The following DOCK3 variants were observed in gnomAD, a reference collection of about 807,000 sequenced individuals.
DOCK3 encodes dedicator of cytokinesis protein 3.
In DOCK3, 60 loss-of-function variants were observed where a neutral mutation model predicts 265.6. That is an observed-to-expected ratio of 0.23 (90% CI 0.18 to 0.28). DOCK3 has a LOEUF of 0.28. DOCK3 is among the 10% of genes least tolerant of loss of function. The pLI is 1.00. For missense variants in DOCK3, 1,981 were observed against 2,594.3 expected (o/e 0.76, Z 5.14); for synonymous variants, 881 against 938.0 (o/e 0.94, Z 1.11).
chr3:51,006,110 A>G (rs1416829228), intron 5 of DOCK3, among the ~76,000 whole-genome samples: 1 of 152,104 alleles, frequency 6.6e-6, no homozygotes, highest in African/African-American at 2.4e-5. Context: ...CTGTCTGCCT[A>G]GAATACTCCC....
At chr3:50,704,681 A>G (rs2036272507) in intron 1 of DOCK3, among the ~76,000 whole-genome samples, 1 of 147,242 alleles carries the variant, frequency 6.8e-6, no homozygotes, top group Non-Finnish European at 1.5e-5. Context: ...GCTGGAGTGC[A>G]GTGGCTCAAT....
intron 1 of DOCK3, among the ~76,000 whole-genome samples, chr3:50,770,456 GA>G (rs71631076): frequency 0.091 from 13,239 of 144,982 alleles, 790 homozygotes; most frequent in Non-Finnish European, 0.13. Context: ...CAAAAAAAAA[GA>G]AAAAAAAAAT....
At chr3:50,863,268 T>C (rs1265117974) in intron 3 of DOCK3, among the ~76,000 whole-genome samples, 1 of 152,138 alleles carries the variant, frequency 6.6e-6, no homozygotes, top group African/African-American at 2.4e-5. Context: ...GGCATGGTAG[T>C]GGCTTATGAC....
intron 1 of DOCK3, among the ~76,000 whole-genome samples, chr3:50,745,834 C>T (rs1257381672): frequency 6.6e-6 from 1 of 152,212 alleles, no homozygotes; most frequent in East Asian, 1.9e-4. Context: ...TCCAGTTCGG[C>T]TCCAGGGTTC....
intron 2 of DOCK3, among the ~76,000 whole-genome samples, chr3:50,794,057 G>C (rs2042635311): frequency 6.6e-6 from 1 of 152,096 alleles, no homozygotes; most frequent in Admixed American, 6.6e-5. Context: ...TGAATTTCCT[G>C]GTGTTGATTT....
chr3:51,008,562 T>A (rs2108748106), intron 5 of DOCK3, among the ~76,000 whole-genome samples: 2 of 152,326 alleles, frequency 1.3e-5, no homozygotes, highest in Middle Eastern at 6.8e-3. Context: ...TATACAATCA[T>A]GTCGTCTGCA....
At position 51,270,800 on chromosome 3, in the gene DOCK3, C is replaced by T; in HGVS notation, c.2356-15C>T. On this transcript the variant is annotated splice_polypyrimidine_tract_variant and intron_variant, in intron 23 of 52. Coordinates refer to ENST00000266037, the MANE Select transcript of DOCK3 (RefSeq NM_004947.5). ...CCTAACTCTGTGCTAACCACAGCTT[C>T]ATTTGCTTCTGCAGGCTGCACTCCT... 2 of 1,609,336 alleles carry T rather than the reference C, an allele frequency of 1.2e-6. No individual in the cohort carries two copies. The highest frequency in any genetic ancestry group is 1.7e-6 in the Non-Finnish European group (2 of 1,177,520).
At chr3:50,999,462 T>C (rs2078396549) in intron 5 of DOCK3, among the ~76,000 whole-genome samples, 1 of 152,226 alleles carries the variant, frequency 6.6e-6, no homozygotes, top group Non-Finnish European at 1.5e-5. Flanking sequence ...CCTAGTTATT[T>C]ACCTTGAAAC....
intron 1 of DOCK3, among the ~76,000 whole-genome samples, chr3:50,770,009 A>G (rs2041179882): frequency 2.0e-5 from 3 of 152,040 alleles, no homozygotes; most frequent in Admixed American, 2.0e-4. Context: ...CAGGCTACAA[A>G]ATCAACATGC....
At position 51,380,176 on chromosome 3, in the gene DOCK3, C is replaced by T; in HGVS notation, c.5552C>T (p.Pro1851Leu). 1.9e-6 allele frequency: 3 copies of T among 1,613,598 alleles called. No individual in the cohort carries two copies. Among genetic ancestry groups the T allele is most frequent in the Non-Finnish European group, 1.7e-6 (2 of 1,179,690 alleles). ...TTCCACCACCCTCTGGGTGATACCCCCCCAGCCCTCCCTGCCCGGACCCTG... is the reference window on the plus strand; with the variant it reads ...TTCCACCACCCTCTGGGTGATACCCTCCCAGCCCTCCCTGCCCGGACCCTG... Reference protein sequence around the residue: ...DAFHHPLGDTPPALPARTLRK... With the variant: ...DAFHHPLGDTLPALPARTLRK... Residue 1851 changes from proline to leucine, a missense_variant, in exon 52 of 53, where the codon CCC (proline) becomes CTC (leucine). By Grantham distance (98) the Pro-to-Leu change is moderately conservative. Transcript: ENST00000266037.
chr3:51,077,148 C>G (rs1305016045), intron 7 of DOCK3, among the ~76,000 whole-genome samples: 1 of 151,892 alleles, frequency 6.6e-6, no homozygotes, highest in African/African-American at 2.4e-5. Flanking sequence ...ACAAGAAATA[C>G]AATAAGAATG....
intron 22 of DOCK3, among the ~76,000 whole-genome samples, chr3:51,255,163 ATTCTT>A (rs1177820971): frequency 1.3e-5 from 2 of 152,174 alleles, no homozygotes; most frequent in Admixed American, 1.3e-4. Flanking sequence ...TGGTTTGAAA[ATTCTT>A]TTCTTTAAGA....
chr3:50,937,595 G>T (rs1286285320), intron 5 of DOCK3, among the ~76,000 whole-genome samples: 2 of 151,358 alleles, frequency 1.3e-5, no homozygotes, highest in East Asian at 2.0e-4. Flanking sequence ...GGCAGAGCTT[G>T]CAGTGAGCAG....
intron 12 of DOCK3, among the ~76,000 whole-genome samples, chr3:51,193,716 A>G (rs566723485): frequency 6.6e-6 from 1 of 150,806 alleles, no homozygotes; most frequent in African/African-American, 2.4e-5. Context: ...GTTGTTTATA[A>G]TAGTCTCTAA....
chr3:51,053,900 A>G (rs917453168), intron 5 of DOCK3, among the ~76,000 whole-genome samples: 6 of 152,146 alleles, frequency 3.9e-5, no homozygotes, highest in African/African-American at 9.6e-5. Flanking sequence ...ATCTTTTGGC[A>G]TAAATGAAAA....
intron 1 of DOCK3, among the ~76,000 whole-genome samples, chr3:50,691,566 T>C (rs6446212): frequency 0.77 from 117,759 of 152,144 alleles, 46,823 homozygotes; most frequent in Middle Eastern, 0.89. Flanking sequence ...TTTCTATTTC[T>C]TTGGGTATAT....
Position 51,229,619 on chromosome 3 carries a change from C to T in DOCK3, c.1917+10C>T, listed in dbSNP as rs1394242254. On this transcript the variant is annotated intron_variant, in intron 19 of 52. Transcript: ENST00000266037. ...GGAGGAAATTGTTAAGGTATGTCTTCCATATAATTTAAACATACTGCATGA... is the reference window on the plus strand; with the variant it reads ...GGAGGAAATTGTTAAGGTATGTCTTTCATATAATTTAAACATACTGCATGA... 3 of 1,584,168 alleles carry T rather than the reference C, an allele frequency of 1.9e-6. No individual in the cohort carries two copies. Among genetic ancestry groups the T allele is most frequent in the Non-Finnish European group, 2.6e-6 (3 of 1,165,518 alleles).
At chr3:51,346,627 G>T (rs1290837338) in intron 38 of DOCK3, among the ~76,000 whole-genome samples, 3 of 152,180 alleles carry the variant, frequency 2.0e-5, no homozygotes, top group Non-Finnish European at 4.4e-5. Context: ...AGAGCAGCAT[G>T]ATTTATAATC....
At chr3:50,781,916 A>T (rs1432846503) in intron 2 of DOCK3, among the ~76,000 whole-genome samples, 2 of 152,176 alleles carry the variant, frequency 1.3e-5, no homozygotes, top group Non-Finnish European at 2.9e-5. Context: ...TGCTAAGGAT[A>T]ATAGCCTCCA....
Sources: allele counts gnomAD v4.1 joint callset (sites outside exome capture counted in the v4.1 genomes callset), GRCh38; gene constraint gnomAD v4.1.1; transcripts MANE v1.5; gene names NCBI Gene and HGNC (gene_info 2026-07-23, HGNC 2026-07-21).